The following RNF122 variants were observed in gnomAD, a reference collection of about 807,000 sequenced individuals.
RNF122 encodes ring finger protein 122.
Under a neutral mutation model 24.2 loss-of-function variants are expected in RNF122, and 17 were observed. The ratio of observed to expected loss-of-function variants is 0.70; its 90% confidence interval spans 0.48 to 1.06. RNF122 has a LOEUF of 1.06. Ranked by LOEUF, RNF122 falls within the 50% of genes least tolerant of loss-of-function variation. RNF122 has a pLI of 0.00. For synonymous variants in RNF122, 65 were observed against 71.8 expected (o/e 0.91, Z 0.48); for missense variants, 168 against 198.1 (o/e 0.85, Z 0.91).
chr8:33,560,596 A>G (rs889597830), intron 1 of RNF122, among the ~76,000 whole-genome samples: 1 of 151,570 alleles, frequency 6.6e-6, no homozygotes, highest in African/African-American at 2.4e-5. Context: ...AGAGACACCT[A>G]GAATTGTGAT....
At chr8:33,553,145 T>G (rs997330008) in intron 2 of RNF122, among the ~76,000 whole-genome samples, 1 of 150,698 alleles carries the variant, frequency 6.6e-6, no homozygotes, top group Non-Finnish European at 1.5e-5. Flanking sequence ...TTCCTGGTGA[T>G]CACTTCTAAA....
chr8:33,553,813 A>G (rs1025590110), intron 2 of RNF122, among the ~76,000 whole-genome samples: 1 of 152,162 alleles, frequency 6.6e-6, no homozygotes, highest in Admixed American at 6.5e-5. Context: ...TGTTCCTGAT[A>G]GGAAGTCAGG....
In RNF122 at chr8:33,547,980, C is replaced by CAAAAAAAAA. The variant is rs35370120; in HGVS notation, c.*764_*772dup. On this transcript the variant is annotated 3_prime_UTR_variant, in exon 6 of 6. Transcript: ENST00000256257. Reference sequence around the variant, plus strand: ...CCCCCATCCCCACACCCCTTTTGATCAAAAAAAAAAAAAAAAAAAAAAAAA... The same window carrying CAAAAAAAAA: ...CCCCCATCCCCACACCCCTTTTGATCAAAAAAAAAAAAAAAAAAAAAAAAAAAAAAAAAA... 105 of 37,854 alleles carry CAAAAAAAAA rather than the reference C, an allele frequency of 2.8e-3. 4 individuals carry two copies. Among genetic ancestry groups the CAAAAAAAAA allele is most frequent in the African/African-American group, 0.011 (101 of 9,240 alleles). The allele number at this position is 37,854 out of a possible 1,614,324, so 2.3% of individuals were successfully genotyped here. A position where few individuals can be genotyped will look rare whatever the true frequency, so the allele number is the denominator to read the frequency against.
At chr8:33,560,384 G>GT (rs1029620582) in intron 1 of RNF122, among the ~76,000 whole-genome samples, 2 of 151,890 alleles carry the variant, frequency 1.3e-5, no homozygotes, top group African/African-American at 4.8e-5. Context: ...TTGCTTGTTT[G>GT]TTTTTGGAGA....
chr8:33,549,613 A>G lies in RNF122; in HGVS notation c.271-121T>C, dbSNP rs1810341189. The G allele has an allele frequency of 4.3e-6, 3 of 701,466 alleles. 1 individual carries two copies. Among genetic ancestry groups the G allele is most frequent in the South Asian group, 3.3e-5 (2 of 61,322 alleles). 43.5% of individuals were successfully genotyped at this position (701,466 alleles called of 1,614,324 possible). A position where few individuals can be genotyped will look rare whatever the true frequency, so the allele number is the denominator to read the frequency against. On this transcript the variant is annotated intron_variant, in intron 4 of 5. Coordinates refer to ENST00000256257, the MANE Select transcript of RNF122 (RefSeq NM_024787.3). The stretch of plus-strand genomic sequence containing the variant: ...TACCAGGCAGAGAAACTTTTTAGCC[A>G]TCCTTTACAAAACTATATTGATGGC...
intron 1 of RNF122, among the ~76,000 whole-genome samples, chr8:33,562,545 A>G (rs1450176257): frequency 6.6e-6 from 1 of 151,452 alleles, no homozygotes; most frequent in East Asian, 1.9e-4. Flanking sequence ...TCTCAAAAAA[A>G]AAAAAGAAAA....
Position 33,548,005 on chromosome 8 carries a change from A to T in RNF122, c.*748T>A, listed in dbSNP as rs1810311845. 1 of 147,994 alleles carries T rather than the reference A, an allele frequency of 6.8e-6. No individual in the cohort carries two copies. Among genetic ancestry groups the T allele is most frequent in the Non-Finnish European group, 1.5e-5 (1 of 67,128 alleles). 9.2% of individuals were successfully genotyped at this position (147,994 alleles called of 1,614,324 possible). A position where few individuals can be genotyped will look rare whatever the true frequency, so the allele number is the denominator to read the frequency against. On this transcript the variant is annotated 3_prime_UTR_variant, in exon 6 of 6. Transcript: ENST00000256257. ...CAAAAAAAAAAAAAAAAAAAAAAAA[A>T]AGGCCCCTGGGAATCAATTTAAGTA...
At chr8:33,561,678 G>T (rs1338376155) in intron 1 of RNF122, among the ~76,000 whole-genome samples, 3 of 152,010 alleles carry the variant, frequency 2.0e-5, no homozygotes, top group Admixed American at 1.3e-4. Flanking sequence ...GAGTAGCTAG[G>T]ACTATAGGTG....
At chr8:33,555,268 T>C (rs2128839293) in intron 2 of RNF122, among the ~76,000 whole-genome samples, 1 of 152,238 alleles carries the variant, frequency 6.6e-6, no homozygotes, top group South Asian at 2.1e-4. Context: ...AATGGCATGA[T>C]CTTAGCTCAC....
intron 2 of RNF122, among the ~76,000 whole-genome samples, chr8:33,554,009 C>G (rs1381252388): frequency 1.3e-5 from 2 of 152,228 alleles, no homozygotes; most frequent in Non-Finnish European, 2.9e-5. Context: ...ACTGTCTCAT[C>G]CTTCACTTTG....
At chr8:33,561,710 T>G (rs1810543007) in intron 1 of RNF122, among the ~76,000 whole-genome samples, 1 of 152,052 alleles carries the variant, frequency 6.6e-6, no homozygotes, top group Non-Finnish European at 1.5e-5. Context: ...GCCCAGCTAG[T>G]TTTTGTATTT....
chr8:33,560,253 G>A (rs939495591), intron 1 of RNF122, among the ~76,000 whole-genome samples: 25 of 152,160 alleles, frequency 1.6e-4, no homozygotes, highest in Admixed American at 1.2e-3. Flanking sequence ...GATAAATACT[G>A]ACTGGCCTAC....
rs944300241 is a variant in RNF122 at position 33,551,377 on chromosome 8, G to A, written c.195C>T (p.Asn65=). Residue 65 remains asparagine (N), a synonymous_variant, in exon 3 of 6, where the codon AAC becomes AAT. Transcript: ENST00000256257. ...ATCCGTATCGCTCACTCTGTGCCTG[G>A]TTCCGCAGTTTGCTGGGAGAAAGAG... ...FCCYFISKLR[N]QAQSERYGYK... is the part of the protein sequence containing the mutation. The A allele has an allele frequency of 1.2e-6, 2 of 1,614,016 alleles. No homozygotes were observed. The highest frequency in any genetic ancestry group is 1.7e-6 in the Non-Finnish European group (2 of 1,180,002).
At chr8:33,560,912 C>CA (rs1810531444) in intron 1 of RNF122, among the ~76,000 whole-genome samples, 1 of 151,862 alleles carries the variant, frequency 6.6e-6, no homozygotes, top group South Asian at 2.1e-4. Flanking sequence ...GCCTTGGAGA[C>CA]AGAGCAAGAC....
chr8:33,549,221 C>CA (rs377477701), intron 5 of RNF122, among the ~76,000 whole-genome samples, 189 bp downstream of exon 5: 30 of 141,760 alleles, frequency 2.1e-4, no homozygotes, highest in East Asian at 8.1e-4. Flanking sequence ...AACTCCAACT[C>CA]AAAAAAAAAA....
At position 33,551,086 on chromosome 8, in the gene RNF122, C is replaced by T. The variant is rs1395594808; in HGVS notation, c.229-1G>A. On this transcript the variant is annotated splice_acceptor_variant, in intron 3 of 5. Coordinates refer to ENST00000256257, the MANE Select transcript of RNF122 (RefSeq NM_024787.3). LOFTEE classifies it high-confidence loss of function. ...TCTTGGCATCACCTTTAAGCACCACCTGAAAAGAAAGAGGAGGCATGATGT... is the reference window on the plus strand; with the variant it reads ...TCTTGGCATCACCTTTAAGCACCACTTGAAAAGAAAGAGGAGGCATGATGT... 6.2e-7 allele frequency: 1 copy of T among 1,614,008 alleles called. No homozygotes were observed. The highest frequency in any genetic ancestry group is 1.7e-5 in the Admixed American group (1 of 59,994).
At position 33,557,418 on chromosome 8, in the gene RNF122, T is replaced by C. The variant is rs138442046; in HGVS notation, c.182+1197A>G. 1.4e-3 allele frequency among the ~76,000 whole-genome samples: 209 copies of C among 152,154 alleles called. 1 individual carries two copies. Among genetic ancestry groups the C allele is most frequent in the African/African-American group, 5.0e-3 (206 of 41,528 alleles). On this transcript the variant is annotated intron_variant, in intron 2 of 5. Transcript: ENST00000256257. ...GCCGAGGGGGGTGGATGACTTGAGGTCAGGAGTTCGAGACCTGCCTGGCCA... is the reference window on the plus strand; with the variant it reads ...GCCGAGGGGGGTGGATGACTTGAGGCCAGGAGTTCGAGACCTGCCTGGCCA...
At chr8:33,560,810 A>G (rs1267522315) in intron 1 of RNF122, among the ~76,000 whole-genome samples, 4 of 151,942 alleles carry the variant, frequency 2.6e-5, no homozygotes, top group Non-Finnish European at 1.5e-5. Context: ...CACATCTGTA[A>G]TCCCAGCTAC....
intron 1 of RNF122, among the ~76,000 whole-genome samples, 159 bp from the exon 2 acceptor site, chr8:33,558,930 A>G (rs1461329420): frequency 6.6e-6 from 1 of 152,196 alleles, no homozygotes; most frequent in Non-Finnish European, 1.5e-5. Flanking sequence ...TTTACTAGCT[A>G]TGTAATCTTG....
Sources: gnomAD v4.1 joint callset for allele counts (sites outside exome capture counted in the v4.1 genomes callset) on GRCh38, gnomAD v4.1.1 for gene constraint, MANE v1.5 for transcripts, NCBI Gene and HGNC (gene_info 2026-07-23, HGNC 2026-07-21) for gene names.